PACRG: variants seen among roughly 807,000 people sequenced by gnomAD.
The protein encoded by PACRG is parkin coregulated.
PACRG carries 29 observed loss-of-function variants against 29.7 expected under a neutral mutation model. The observed-to-expected ratio is 0.98, with a 90% CI of 0.73 to 1.33. The LOEUF (loss-of-function observed/expected upper bound fraction) is 1.33. PACRG is among the 40% of genes most tolerant of loss of function. The pLI, the probability that PACRG is intolerant of heterozygous loss-of-function variation, is 0.00. For missense variants in PACRG, 279 were observed against 316.2 expected (o/e 0.88, Z 0.89); for synonymous variants, 116 against 118.7 (o/e 0.98, Z 0.15).
chr6:163,190,418 G>T (rs1780155156), intron 4 of PACRG: 1 of 152,256 alleles, frequency 6.6e-6, no homozygotes, highest in Admixed American at 6.5e-5. Context: ...GCACAATCTA[G>T]TTAGTGCAGA....
At chr6:162,866,980 A>G (rs1299560570) in intron 2 of PACRG, among the ~76,000 whole-genome samples, 1 of 152,236 alleles carries the variant, frequency 6.6e-6, no homozygotes, top group Non-Finnish European at 1.5e-5. Context: ...GAGTTTGTCC[A>G]TGATAGGCAT....
intron 1 of PACRG, among the ~76,000 whole-genome samples, chr6:162,794,669 C>T (rs1785225975): frequency 6.6e-6 from 1 of 152,060 alleles, no homozygotes; most frequent in Non-Finnish European, 1.5e-5. Flanking sequence ...ATGCAGTTGT[C>T]CCGCACCATA....
At chr6:162,959,978 T>TA (rs1236499726) in intron 2 of PACRG, among the ~76,000 whole-genome samples, 1 of 151,672 alleles carries the variant, frequency 6.6e-6, no homozygotes, top group Non-Finnish European at 1.5e-5. Context: ...AAAGAAGACA[T>TA]ACAAGCAGCC....
rs544456623 is a variant in PACRG, at chr6:162,959,421, G to A, written c.292-102729G>A. ...ACGCACTCTGTGGAGGAGACCTGCC[G>A]TGCATGGAGGGGTGGGTCTGGTATT... On this transcript the variant is annotated intron_variant, in intron 2 of 4. Coordinates refer to ENST00000366888, the MANE Select transcript of PACRG (RefSeq NM_001080379.2). Among the ~76,000 whole-genome samples, 187 of 152,162 alleles carry A rather than the reference G, an allele frequency of 1.2e-3. 1 individual carries two copies. Among genetic ancestry groups the A allele is most frequent in the Non-Finnish European group, 2.4e-3 (161 of 68,014 alleles).
intron 4 of PACRG, among the ~76,000 whole-genome samples, chr6:163,295,532 C>T (rs1466839600): frequency 2.6e-5 from 4 of 152,188 alleles, no homozygotes; most frequent in East Asian, 3.8e-4. Context: ...CCATGAACTC[C>T]TTGAATTGAT....
chr6:162,762,136 ATAAT>A (rs1448062322), intron 1 of PACRG, among the ~76,000 whole-genome samples: 1 of 152,014 alleles, frequency 6.6e-6, no homozygotes, highest in African/African-American at 2.4e-5. Context: ...TTCTCAATAA[ATAAT>A]AAATCAAGTG....
intron 4 of PACRG, among the ~76,000 whole-genome samples, chr6:163,109,914 A>G (rs557387669): frequency 4.3e-4 from 66 of 152,328 alleles, no homozygotes; most frequent in African/African-American, 1.6e-3. Flanking sequence ...AGAGAAATGA[A>G]TGATAAATAT....
chr6:163,104,974 C>T (rs1253205002), intron 4 of PACRG, among the ~76,000 whole-genome samples: 4 of 152,010 alleles, frequency 2.6e-5, no homozygotes, highest in Non-Finnish European at 5.9e-5. Flanking sequence ...TGAAGTAATT[C>T]AAAATAAGGC....
At chr6:163,206,822 CA>C (rs1244684628) in intron 4 of PACRG, among the ~76,000 whole-genome samples, 2 of 122,578 alleles carry the variant, frequency 1.6e-5, no homozygotes, top group Admixed American at 1.6e-4. Flanking sequence ...ATCTCAAATC[CA>C]GATCTGGTTG....
chr6:163,086,689 G>T (rs921116691), intron 3 of PACRG, among the ~76,000 whole-genome samples: 2 of 152,082 alleles, frequency 1.3e-5, no homozygotes, highest in Non-Finnish European at 2.9e-5. Context: ...AGAGGAAATG[G>T]CTGTGAAACC....
chr6:162,781,129 C>G (rs2128313703), intron 1 of PACRG, among the ~76,000 whole-genome samples: 1 of 151,892 alleles, frequency 6.6e-6, no homozygotes, highest in South Asian at 2.1e-4. Flanking sequence ...AGGAGAACAT[C>G]TTAACAGACA....
chr6:163,246,199 A>T (rs150732953), intron 4 of PACRG, among the ~76,000 whole-genome samples: 140 of 152,296 alleles, frequency 9.2e-4, no homozygotes, highest in African/African-American at 3.0e-3. Flanking sequence ...AAGAGGTAAC[A>T]TCACCTCACC....
intron 2 of PACRG, among the ~76,000 whole-genome samples, chr6:162,924,449 A>G (rs538654623): frequency 2.4e-3 from 372 of 152,206 alleles, no homozygotes; most frequent in Non-Finnish European, 4.1e-3. Flanking sequence ...GAAAGTGGGC[A>G]TCCTTGTCTT....
At chr6:163,009,225 A>G (rs1805399377) in intron 2 of PACRG, among the ~76,000 whole-genome samples, 1 of 152,214 alleles carries the variant, frequency 6.6e-6, no homozygotes, top group African/African-American at 2.4e-5. Context: ...AGGCTAATTC[A>G]TTAATAAAAC....
chr6:163,004,409 C>T (rs1024077220), intron 2 of PACRG, among the ~76,000 whole-genome samples: 2 of 151,770 alleles, frequency 1.3e-5, no homozygotes, highest in African/African-American at 4.8e-5. Flanking sequence ...CCTCAGGAAT[C>T]TTACAATCAT....
chr6:162,803,701 G>A (rs767639680), intron 1 of PACRG, among the ~76,000 whole-genome samples: 13 of 152,146 alleles, frequency 8.5e-5, no homozygotes, highest in East Asian at 5.8e-4. Context: ...ACATGAACAC[G>A]CATTCACAAT....
At chr6:162,888,774 TG>T (rs1794548458) in intron 2 of PACRG, among the ~76,000 whole-genome samples, 1 of 152,136 alleles carries the variant, frequency 6.6e-6, no homozygotes. Context: ...CCTTCCTCTT[TG>T]GAAAACCCAA....
chr6:162,956,810 T>C (rs1349901852), intron 2 of PACRG, among the ~76,000 whole-genome samples: 2 of 152,152 alleles, frequency 1.3e-5, no homozygotes, highest in African/African-American at 2.4e-5. Flanking sequence ...TGACTACATC[T>C]GCAAACAAGC....
chr6:162,852,795 T>G (rs531910597), intron 2 of PACRG, among the ~76,000 whole-genome samples: 170 of 152,336 alleles, frequency 1.1e-3, no homozygotes, highest in Non-Finnish European at 1.9e-3. Flanking sequence ...TCTTTGAACT[T>G]ATCCTGAGAA....
Sources: allele counts gnomAD v4.1 joint callset (sites outside exome capture counted in the v4.1 genomes callset), GRCh38; gene constraint gnomAD v4.1.1; transcripts MANE v1.5; gene names NCBI Gene and HGNC (gene_info 2026-07-23, HGNC 2026-07-21).